PDE1C: variants seen among roughly 807,000 people sequenced by gnomAD.
The protein encoded by PDE1C is dual specificity calcium/calmodulin-dependent 3',5'-cyclic nucleotide phosphodiesterase 1C.
In PDE1C, 62 loss-of-function variants were observed where a neutral mutation model predicts 93.1. The observed-to-expected ratio is 0.67, with a 90% confidence interval of 0.54 to 0.82. PDE1C has a LOEUF of 0.82. Ranked by LOEUF, PDE1C falls within the 40% of genes least tolerant of loss-of-function variation. PDE1C has a pLI of 0.00. For missense variants in PDE1C, 742 were observed against 884.6 expected, an observed-to-expected ratio of 0.84 and a Z score of 2.04; for synonymous variants, 325 against 310.1, an observed-to-expected ratio of 1.05 and a Z score of -0.50.
the PDE1C span, among the ~76,000 whole-genome samples, chr7:31,725,004 T>C: frequency 6.6e-6 from 1 of 152,178 alleles, no homozygotes; most frequent in Non-Finnish European, 1.5e-5. Flanking sequence ...TGGGCTACTA[T>C]ATATAAAACA....
At chr7:31,707,343 AG>A in the PDE1C span, 1 of 1,387,088 alleles carries the variant, frequency 7.2e-7, no homozygotes, top group South Asian at 1.3e-5. Context: ...GGTGACCTAG[AG>A]AAAAAATAGA....
At chr7:32,031,901 CAGG>C (rs1790375063) in intron 2 of PDE1C, among the ~76,000 whole-genome samples, 1 of 152,090 alleles carries the variant, frequency 6.6e-6, no homozygotes, top group Non-Finnish European at 1.5e-5. Context: ...GTTTGTACCG[CAGG>C]AGAAGTACTG....
At chr7:31,649,627 C>A in the PDE1C span, among the ~76,000 whole-genome samples, 2 of 152,122 alleles carry the variant, frequency 1.3e-5, no homozygotes, top group Admixed American at 1.3e-4. Flanking sequence ...GGGGTCCAAG[C>A]CTGTGGGTCT....
intron 15 of PDE1C, among the ~76,000 whole-genome samples, chr7:31,814,980 C>T (rs78889511): frequency 0.027 from 4,118 of 151,814 alleles, 66 homozygotes; most frequent in East Asian, 0.068. Context: ...CCTGCCTGCC[C>T]CTAAACAAGG....
chr7:32,235,528 C>T (rs1333804790), intron 1 of PDE1C, among the ~76,000 whole-genome samples: 3 of 151,842 alleles, frequency 2.0e-5, no homozygotes, highest in South Asian at 4.2e-4. Context: ...CAATTGGAAA[C>T]TAAAATTTCA....
At chr7:31,835,525 GGTGTGTGTGTGTGTGT>G (rs58539780) in intron 11 of PDE1C, among the ~76,000 whole-genome samples, 1 of 147,064 alleles carries the variant, frequency 6.8e-6, no homozygotes, top group Non-Finnish European at 1.5e-5. Flanking sequence ...GGGGTGCTGC[GGTGTGTGTGTGTGTGT>G]GTGTGTGTGT....
chr7:31,980,336 T>A (rs1812215774), intron 2 of PDE1C, among the ~76,000 whole-genome samples: 2 of 152,242 alleles, frequency 1.3e-5, no homozygotes, highest in South Asian at 4.1e-4. Context: ...AGCTTTATCC[T>A]GTGCAGAATG....
At chr7:32,208,466 A>G (rs1474288899) in intron 2 of PDE1C, among the ~76,000 whole-genome samples, 1 of 151,918 alleles carries the variant, frequency 6.6e-6, no homozygotes, top group Non-Finnish European at 1.5e-5. Flanking sequence ...AGTCAATACT[A>G]GAGAGGGAAC....
chr7:32,182,830 T>C (rs1021393556), intron 2 of PDE1C, among the ~76,000 whole-genome samples: 4 of 152,028 alleles, frequency 2.6e-5, no homozygotes, highest in African/African-American at 2.4e-5. Context: ...AAATAAAGGG[T>C]ATTCAATTAG....
intron 1 of PDE1C, among the ~76,000 whole-genome samples, chr7:32,291,526 G>C (rs1420144850): frequency 6.6e-6 from 1 of 152,262 alleles, no homozygotes; most frequent in African/African-American, 2.4e-5. Flanking sequence ...TGCCCAAGCA[G>C]CTACACATGG....
intron 2 of PDE1C, among the ~76,000 whole-genome samples, chr7:32,182,184 G>A (rs1254514562): frequency 6.6e-6 from 1 of 152,168 alleles, no homozygotes; most frequent in Admixed American, 6.5e-5. Context: ...AAAAATTCCA[G>A]GACCAGATGG....
At chr7:31,641,457 G>A in the PDE1C span, among the ~76,000 whole-genome samples, 135 of 151,146 alleles carry the variant, frequency 8.9e-4, no homozygotes, top group Middle Eastern at 3.4e-3. Context: ...ATAACTGAAA[G>A]CATTTCTCAT....
At chr7:32,063,114 A>G (rs1229236026) in intron 1 of PDE1C, among the ~76,000 whole-genome samples, 1 of 152,190 alleles carries the variant, frequency 6.6e-6, no homozygotes, top group African/African-American at 2.4e-5. Flanking sequence ...CCAGAAATAG[A>G]GTGTTGCATT....
chr7:31,998,010 T>TTTATTTTTATTTATTTA lies in PDE1C; in HGVS notation c.128+53543_128+53544insTAAATAAATAAAAATAA, dbSNP rs372231310. 2.7e-3 allele frequency among the ~76,000 whole-genome samples: 397 copies of TTTATTTTTATTTATTTA among 148,754 alleles called. 1 individual carries two copies. Among genetic ancestry groups the TTTATTTTTATTTATTTA allele is most frequent in the African/African-American group, 9.1e-3 (368 of 40,594 alleles). On this transcript the variant is annotated intron_variant, in intron 2 of 17. Transcript: ENST00000396191. ...TTATTTTTATTTTATTTTATTTTAT[T>TTTATTTTTATTTATTTA]TTTATTTATTTATTTATTTATTTTT...
chr7:32,208,556 G>GA (rs1251977697), intron 2 of PDE1C, among the ~76,000 whole-genome samples: 1 of 152,066 alleles, frequency 6.6e-6, no homozygotes, highest in African/African-American at 2.4e-5. Flanking sequence ...CAGGTGCGAA[G>GA]ACAGAGGCCC....
chr7:31,742,507 C>A, the PDE1C span, among the ~76,000 whole-genome samples: 1 of 152,166 alleles, frequency 6.6e-6, no homozygotes, highest in Non-Finnish European at 1.5e-5. Context: ...GTGTTCGAGG[C>A]CACCCTGGGC....
intron 2 of PDE1C, among the ~76,000 whole-genome samples, chr7:31,963,863 T>A (rs751313189): frequency 2.6e-5 from 4 of 152,188 alleles, no homozygotes; most frequent in Non-Finnish European, 4.4e-5. Context: ...ACAAAATGGT[T>A]GGGAGGCTGG....
At chr7:32,026,017 C>A (rs768265693) in intron 2 of PDE1C, among the ~76,000 whole-genome samples, 17 of 152,072 alleles carry the variant, frequency 1.1e-4, no homozygotes, top group Middle Eastern at 3.2e-3. Flanking sequence ...ACAAAAGCTG[C>A]CTGTTGAGGT....
intron 2 of PDE1C, among the ~76,000 whole-genome samples, chr7:32,029,766 T>C (rs1408506136): frequency 6.6e-6 from 1 of 152,094 alleles, no homozygotes; most frequent in South Asian, 2.1e-4. Context: ...TTCAAGGCAA[T>C]GAACATTGAT....
Sources: gnomAD v4.1 joint callset for allele counts (sites outside exome capture counted in the v4.1 genomes callset) on GRCh38, gnomAD v4.1.1 for gene constraint, MANE v1.5 for transcripts, NCBI Gene and HGNC (gene_info 2026-07-23, HGNC 2026-07-21) for gene names.